The following ZNF503 variants were observed in gnomAD, a reference collection of about 807,000 sequenced individuals.
ZNF503 encodes the protein zinc finger protein 503, also known as NocA-like zinc finger 2.
In ZNF503, 15 loss-of-function variants were observed where a neutral mutation model predicts 34.4. That is an observed-to-expected ratio of 0.44 (90% confidence interval 0.29 to 0.67). The LOEUF (loss-of-function observed/expected upper bound fraction) is 0.67. ZNF503 is among the 30% of genes least tolerant of loss of function. The pLI is 0.13. For missense variants in ZNF503, 1,007 were observed against 926.8 expected (o/e 1.09, Z -1.12); for synonymous variants, 580 against 456.8 (o/e 1.27, Z -3.44).
the ZNF503 span, among the ~76,000 whole-genome samples, chr10:75,297,266 C>T: frequency 6.6e-6 from 1 of 152,170 alleles, no homozygotes; most frequent in Non-Finnish European, 1.5e-5. Context: ...CTCTGACCCC[C>T]ACCCCCGACT....
chr10:75,359,879 G>A, the ZNF503 span, among the ~76,000 whole-genome samples: 1 of 152,130 alleles, frequency 6.6e-6, no homozygotes, highest in Non-Finnish European at 1.5e-5. Flanking sequence ...AGGAACCTGA[G>A]AGTGAAGCCA....
chr10:75,330,051 C>G, the ZNF503 span, among the ~76,000 whole-genome samples: 1 of 152,198 alleles, frequency 6.6e-6, no homozygotes, highest in East Asian at 1.9e-4. Context: ...TTATTGAGAG[C>G]TTTAATTATG....
the ZNF503 span, among the ~76,000 whole-genome samples, chr10:75,364,674 G>A: frequency 3.3e-5 from 5 of 152,132 alleles, no homozygotes; most frequent in South Asian, 2.1e-4. Flanking sequence ...TAGAAGAGAC[G>A]TTTCATAAGT....
At chr10:75,333,130 C>T in the ZNF503 span, among the ~76,000 whole-genome samples, 22,587 of 134,228 alleles carry the variant, frequency 0.17, 2,389 homozygotes, top group Non-Finnish European at 0.22. Flanking sequence ...CCCTCCTGGA[C>T]GGGGCGGCTG....
At chr10:75,338,525 T>G in the ZNF503 span, 1 of 152,236 alleles carries the variant, frequency 6.6e-6, no homozygotes, top group Non-Finnish European at 1.5e-5. Flanking sequence ...AATTATAAAA[T>G]TAACCCTTTT....
chr10:75,345,886 C>T, the ZNF503 span, among the ~76,000 whole-genome samples: 2,147 of 152,184 alleles, frequency 0.014, 54 homozygotes, highest in African/African-American at 0.049. Context: ...TAGACTGGAG[C>T]GCACGGTAGG....
the ZNF503 span, among the ~76,000 whole-genome samples, chr10:75,287,147 G>T: frequency 2.6e-5 from 4 of 152,222 alleles, no homozygotes; most frequent in Non-Finnish European, 5.9e-5. Context: ...CCTCTGCATG[G>T]TCAGCTTCTG....
the ZNF503 span, chr10:75,343,224 C>T: frequency 2.0e-5 from 3 of 152,246 alleles, no homozygotes; most frequent in Non-Finnish European, 2.9e-5. Flanking sequence ...TGTATCACAG[C>T]CTTATCTTGT....
rs771834220 is a variant in ZNF503 at position 75,400,236 on chromosome 10, C to T, written c.454G>A (p.Ala152Thr). Residue 152 changes from alanine to threonine, a missense_variant, in exon 2 of 2, where the codon GCG (alanine) becomes ACG (threonine). Physicochemically the swap from Ala to Thr is moderately conservative, Grantham distance 58. Coordinates refer to ENST00000372524, the MANE Select transcript of ZNF503 (RefSeq NM_032772.6). ...GGAGGAGGGA[A>T]GDKDTKSGPL... ...CCCGATTTGGTGTCCTTGTCGCCCG[C>T]AGCACCGCCGCCGGCACCGCCCGCG... The T allele has an allele frequency of 2.5e-6, 4 of 1,610,772 alleles. No individual in the cohort carries two copies. The African/African-American group carries it at 4.0e-5, about 16-fold the overall frequency.
At chr10:75,320,009 T>G in the ZNF503 span, among the ~76,000 whole-genome samples, 1 of 152,170 alleles carries the variant, frequency 6.6e-6, no homozygotes, top group Non-Finnish European at 1.5e-5. Flanking sequence ...TACAAAACTT[T>G]AAATAACATT....
the ZNF503 span, among the ~76,000 whole-genome samples, chr10:75,389,038 G>T: frequency 6.6e-6 from 1 of 152,150 alleles, no homozygotes; most frequent in African/African-American, 2.4e-5. Context: ...CCCACAAAAG[G>T]CTTAAGAACT....
At chr10:75,379,672 C>T in the ZNF503 span, among the ~76,000 whole-genome samples, 1 of 152,208 alleles carries the variant, frequency 6.6e-6, no homozygotes, top group Non-Finnish European at 1.5e-5. Flanking sequence ...AAGGAATCCT[C>T]TTGGATCTTT....
At chr10:75,319,838 T>C in the ZNF503 span, among the ~76,000 whole-genome samples, 1 of 152,204 alleles carries the variant, frequency 6.6e-6, no homozygotes, top group Non-Finnish European at 1.5e-5. Context: ...CATGTGTAAC[T>C]TAGATGAAAT....
chr10:75,333,552 A>C, the ZNF503 span, among the ~76,000 whole-genome samples: 1 of 43,246 alleles, frequency 2.3e-5, no homozygotes, highest in Non-Finnish European at 4.3e-5. Flanking sequence ...GGCGCCCCTC[A>C]CCTCCCGGAC....
In ZNF503 at chr10:75,401,664, G is replaced by T; in HGVS notation, c.-245C>A. ...GGACTGCGGGAGTGCCGGGCGGCTC[G>T]CGGTGTCCGCCTCGGGCTGCTCCCC... On this transcript the variant is annotated 5_prime_UTR_variant, in exon 1 of 2. Transcript: ENST00000372524. 1 of 501,264 alleles carries T rather than the reference G, an allele frequency of 2.0e-6. No individual in the cohort carries two copies. Among genetic ancestry groups the T allele is most frequent in the Non-Finnish European group, 3.4e-6 (1 of 290,940 alleles). 31.1% of individuals were successfully genotyped at this position (501,264 alleles called of 1,614,324 possible). A position where few individuals can be genotyped will look rare whatever the true frequency, so the allele number is the denominator to read the frequency against.
the ZNF503 span, among the ~76,000 whole-genome samples, chr10:75,286,068 A>G: frequency 1.3e-5 from 2 of 152,074 alleles, no homozygotes; most frequent in Non-Finnish European, 2.9e-5. Flanking sequence ...GGATCACTTG[A>G]GGTCAGGAGT....
chr10:75,307,850 G>A, the ZNF503 span, among the ~76,000 whole-genome samples: 157 of 152,202 alleles, frequency 1.0e-3, 3 homozygotes, highest in East Asian at 0.023. Context: ...AGGCCGAGGC[G>A]GGAGGATCAC....
At chr10:75,313,830 A>C in the ZNF503 span, among the ~76,000 whole-genome samples, 1 of 152,256 alleles carries the variant, frequency 6.6e-6, no homozygotes, top group Admixed American at 6.5e-5. Context: ...GGAAAACAAA[A>C]GAGAGAACCT....
At chr10:75,359,516 C>T in the ZNF503 span, among the ~76,000 whole-genome samples, 96 of 152,312 alleles carry the variant, frequency 6.3e-4, no homozygotes, top group Non-Finnish European at 9.4e-4. Context: ...GAAGCATCTC[C>T]GGCTGTTGAG....
Sources: allele counts gnomAD v4.1 joint callset (sites outside exome capture counted in the v4.1 genomes callset), GRCh38; gene constraint gnomAD v4.1.1; transcripts MANE v1.5; gene names NCBI Gene and HGNC (gene_info 2026-07-23, HGNC 2026-07-21).